The following SEPTIN11 variants were observed in gnomAD, a reference collection of about 807,000 sequenced individuals.
SEPTIN11 encodes the protein septin-11.
A neutral mutation model predicts 51.4 loss-of-function variants in SEPTIN11; 25 were observed. The ratio of observed to expected loss-of-function variants is 0.49; its 90% CI spans 0.35 to 0.68. The LOEUF (loss-of-function observed/expected upper bound fraction) is 0.68, where lower values mean the gene tolerates loss of function less well. Among genes scored for constraint, SEPTIN11 ranks in the 30% least tolerant of loss-of-function variants. The pLI is 0.00. For missense variants in SEPTIN11, 381 were observed against 520.8 expected (o/e 0.73, Z 2.61); for synonymous variants, 174 against 184.1 (o/e 0.95, Z 0.44).
chr4:77,036,783 T>G lies in SEPTIN11; in HGVS notation c.*2271T>G. ...TTTTTTTCACAGTAGTCCTTGGCTC[T>G]GCACGGAATAAATGATACCCTCAAA... is the stretch of plus-strand genomic sequence containing the variant. On this transcript the variant is annotated 3_prime_UTR_variant, in exon 10 of 10. Coordinates refer to ENST00000264893, the MANE Select transcript of SEPTIN11 (RefSeq NM_018243.4). 6.5e-7 allele frequency: 1 copy of G among 1,534,404 alleles called. No homozygotes were observed.
intron 1 of SEPTIN11, among the ~76,000 whole-genome samples, chr4:76,991,593 G>C (rs530464460): frequency 3.3e-5 from 5 of 152,340 alleles, no homozygotes; most frequent in African/African-American, 1.2e-4. Context: ...CATTTATCCA[G>C]AAGGGTTCTG....
intron 1 of SEPTIN11, among the ~76,000 whole-genome samples, chr4:76,989,673 A>T (rs1294018565): frequency 6.6e-6 from 1 of 152,220 alleles, no homozygotes; most frequent in African/African-American, 2.4e-5. Flanking sequence ...CGCATATACA[A>T]CCGTGGTTCT....
At chr4:77,032,554 GTGTGTATGTGTC>G (rs1241314288) in intron 9 of SEPTIN11, among the ~76,000 whole-genome samples, 5 of 152,118 alleles carry the variant, frequency 3.3e-5, no homozygotes, top group Non-Finnish European at 7.4e-5. Context: ...GGATATAGGG[GTGTGTATGTGTC>G]TGTGTGTGTG....
chr4:77,035,925 T>A lies in SEPTIN11; in HGVS notation c.*1413T>A, dbSNP rs1200433329. 1.0e-6 allele frequency: 1 copy of A among 985,694 alleles called. No individual in the cohort carries two copies. The highest frequency in any genetic ancestry group is 1.7e-5 in the African/African-American group (1 of 57,246). The allele number at this position is 985,694 out of a possible 1,614,324, so 61.1% of individuals were successfully genotyped here. A position where few individuals can be genotyped will look rare whatever the true frequency, so the allele number is the denominator to read the frequency against. On this transcript the variant is annotated 3_prime_UTR_variant, in exon 10 of 10. Transcript: ENST00000264893. Reference sequence around the variant, plus strand: ...GCTTTCTCTCTACATGTAGAAAGGATAACATTTCTCATGAACCCACTGCCC... The same window carrying A: ...GCTTTCTCTCTACATGTAGAAAGGAAAACATTTCTCATGAACCCACTGCCC...
intron 1 of SEPTIN11, among the ~76,000 whole-genome samples, chr4:76,954,433 A>C (rs1473779436): frequency 6.6e-6 from 1 of 152,144 alleles, no homozygotes; most frequent in Admixed American, 6.5e-5. Flanking sequence ...TTTTCCAAGG[A>C]GATCTACTTT....
At chr4:77,004,333 T>G (rs1724331967) in intron 2 of SEPTIN11, among the ~76,000 whole-genome samples, 1 of 152,194 alleles carries the variant, frequency 6.6e-6, no homozygotes, top group Non-Finnish European at 1.5e-5. Flanking sequence ...TGTCACAAAC[T>G]TCACACTGAA....
intron 1 of SEPTIN11, among the ~76,000 whole-genome samples, chr4:76,963,169 TTAAAC>T (rs1338783511): frequency 2.0e-5 from 3 of 152,254 alleles, no homozygotes; most frequent in African/African-American, 7.2e-5. Flanking sequence ...GTGTGATTTC[TTAAAC>T]TAGAGTCATT....
chr4:76,963,379 TA>T (rs1433042929), intron 1 of SEPTIN11, among the ~76,000 whole-genome samples: 2 of 152,236 alleles, frequency 1.3e-5, no homozygotes, highest in Non-Finnish European at 2.9e-5. Flanking sequence ...GTTGGTTGGA[TA>T]TTATTCTTCA....
At chr4:76,961,857 C>T (rs1721838671) in intron 1 of SEPTIN11, among the ~76,000 whole-genome samples, 1 of 152,194 alleles carries the variant, frequency 6.6e-6, no homozygotes, top group Non-Finnish European at 1.5e-5. Context: ...ATTTCTGCAC[C>T]TGCCAACAGA....
chr4:76,956,993 T>TGTGTGTGTGAGA (rs769320568), intron 1 of SEPTIN11, among the ~76,000 whole-genome samples: 23 of 98,578 alleles, frequency 2.3e-4, no homozygotes, highest in South Asian at 6.5e-4. Context: ...TGTGTGTGTG[T>TGTGTGTGTGAGA]GAGAGAGAGA....
Position 76,996,416 on chromosome 4 carries a change from A to T in SEPTIN11, c.28-9A>T. On this transcript the variant is annotated splice_polypyrimidine_tract_variant and intron_variant, in intron 1 of 9. Transcript: ENST00000264893. ...TGGACACTCAAATCTTTCTCCCCTGAAATTGCAGAATGAAGAGCTTCGAAA... is the reference window on the plus strand; with the variant it reads ...TGGACACTCAAATCTTTCTCCCCTGTAATTGCAGAATGAAGAGCTTCGAAA... 1.2e-6 allele frequency: 2 copies of T among 1,603,252 alleles called. No individual in the cohort carries two copies. The highest frequency in any genetic ancestry group is 1.7e-6 in the Non-Finnish European group (2 of 1,170,096).
chr4:77,016,598 AC>A (rs1218601705), intron 5 of SEPTIN11, among the ~76,000 whole-genome samples: 1 of 100,574 alleles, frequency 9.9e-6, no homozygotes, highest in Non-Finnish European at 2.0e-5. Context: ...ATATACACAC[AC>A]ATATATATAT....
chr4:76,967,676 T>C (rs1722087231), intron 1 of SEPTIN11, among the ~76,000 whole-genome samples: 1 of 152,242 alleles, frequency 6.6e-6, no homozygotes, highest in Admixed American at 6.5e-5. Context: ...CAATTTGCAA[T>C]CTGATTTCCA....
At chr4:76,951,248 G>A (rs950821339) in intron 1 of SEPTIN11, among the ~76,000 whole-genome samples, 9 of 152,178 alleles carry the variant, frequency 5.9e-5, no homozygotes, top group African/African-American at 2.2e-4. Context: ...ATTCGATTTG[G>A]TGGTTCGGCT....
chr4:76,978,698 A>G (rs77840307), intron 1 of SEPTIN11, among the ~76,000 whole-genome samples: 4,944 of 152,294 alleles, frequency 0.032, 127 homozygotes, highest in East Asian at 0.11. Flanking sequence ...AATACTCAGC[A>G]TAATGCCTGC....
chr4:76,981,045 C>T (rs1018879215), intron 1 of SEPTIN11, among the ~76,000 whole-genome samples: 18 of 152,214 alleles, frequency 1.2e-4, no homozygotes, highest in African/African-American at 3.6e-4. Flanking sequence ...GAATTGGACC[C>T]GATCTTGCTG....
intron 1 of SEPTIN11, among the ~76,000 whole-genome samples, chr4:76,953,854 G>A (rs941972629): frequency 7.9e-5 from 12 of 152,132 alleles, no homozygotes; most frequent in Admixed American, 2.0e-4. Flanking sequence ...GGAGACCCAA[G>A]GAATTGATTA....
chr4:76,995,304 C>T (rs1056237971), intron 1 of SEPTIN11, among the ~76,000 whole-genome samples: 1 of 152,052 alleles, frequency 6.6e-6, no homozygotes, highest in African/African-American at 2.4e-5. Flanking sequence ...ATCACTTGAA[C>T]CTAGGAGGCA....
chr4:77,038,062 A>G lies in SEPTIN11; in HGVS notation c.*3550A>G, dbSNP rs1380676576. On this transcript the variant is annotated 3_prime_UTR_variant, in exon 10 of 10. Transcript: ENST00000264893. ...GCTGTCTCTGTGTGGTCCTACAAAA[A>G]CTGTCCATTCCCACCCCTTTGCTTT... 2.0e-6 allele frequency: 2 copies of G among 985,662 alleles called. No individual in the cohort carries two copies. The highest frequency in any genetic ancestry group is 2.4e-6 in the Non-Finnish European group (2 of 829,920). 61.1% of individuals were successfully genotyped at this position (985,662 alleles called of 1,614,324 possible).
Sources: gnomAD v4.1 joint callset for allele counts (sites outside exome capture counted in the v4.1 genomes callset) on GRCh38, gnomAD v4.1.1 for gene constraint, MANE v1.5 for transcripts, NCBI Gene and HGNC (gene_info 2026-07-23, HGNC 2026-07-21) for gene names.